Variants in MTCL2 observed in about 807,000 individuals in gnomAD.
The protein encoded by MTCL2 is microtubule cross-linking factor 2.
the MTCL2 span, chr20:36,817,266 CAAAA>C: frequency 5.8e-3 from 2,969 of 511,430 alleles, no homozygotes; most frequent in South Asian, 6.6e-3. Flanking sequence ...GACTCCGTCT[CAAAA>C]AAAAAAAAAA....
chr20:36,793,277 C>T, the MTCL2 span: 10 of 1,551,756 alleles, frequency 6.4e-6, no homozygotes, highest in Non-Finnish European at 8.7e-6. The surrounding 1 kb of genome is among the most constrained non-coding windows in gnomAD (Gnocchi z 6.8). Flanking sequence ...GGCTCCATCT[C>T]CGTCCCGGAG....
chr20:36,816,505 T>C, the MTCL2 span, among the ~76,000 whole-genome samples: 15 of 151,874 alleles, frequency 9.9e-5, 1 homozygote, highest in Admixed American at 6.6e-4. Flanking sequence ...GCGCCACACA[T>C]AGCCTGGGAG....
At chr20:36,815,961 C>T in the MTCL2 span, 14 of 1,613,102 alleles carry the variant, frequency 8.7e-6, no homozygotes, top group African/African-American at 5.3e-5. The surrounding 1 kb of genome is among the most constrained non-coding windows in gnomAD (Gnocchi z 5.3). Context: ...GAAGGCCAGG[C>T]GTGCCTCAGG....
chr20:36,785,029 G>A, the MTCL2 span: 1 of 985,542 alleles, frequency 1.0e-6, no homozygotes, highest in Non-Finnish European at 1.2e-6. Flanking sequence ...GACAGGCAAT[G>A]GAGAACGTCT....
chr20:36,862,969 A>G, the MTCL2 span: 1 of 1,402,792 alleles, frequency 7.1e-7, no homozygotes, highest in Non-Finnish European at 9.3e-7. Context: ...TCCGACGCGC[A>G]GTCCGACACC....
the MTCL2 span, among the ~76,000 whole-genome samples, chr20:36,826,045 C>T: frequency 9.9e-5 from 15 of 151,162 alleles, no homozygotes; most frequent in African/African-American, 3.4e-4. Context: ...CCCGTTCTGT[C>T]GCCCAGGCTG....
chr20:36,822,089 G>A, the MTCL2 span, among the ~76,000 whole-genome samples: 5 of 152,232 alleles, frequency 3.3e-5, no homozygotes, highest in African/African-American at 1.2e-4. Flanking sequence ...AAGCCATGTG[G>A]GCTCCCACAC....
the MTCL2 span, chr20:36,779,145 T>C: frequency 6.6e-6 from 1 of 152,216 alleles, no homozygotes; most frequent in Non-Finnish European, 1.5e-5. Context: ...CCCAGCATCA[T>C]GTCCTCAGTC....
At chr20:36,835,535 T>C in the MTCL2 span, among the ~76,000 whole-genome samples, 2 of 152,112 alleles carry the variant, frequency 1.3e-5, no homozygotes, top group African/African-American at 4.8e-5. Flanking sequence ...GGTACCCTCC[T>C]AGGCAGCGCC....
At chr20:36,815,834 C>G in the MTCL2 span, 8 of 1,598,094 alleles carry the variant, frequency 5.0e-6, no homozygotes, top group Non-Finnish European at 6.8e-6. This position sits in a 1 kb window ranked among gnomAD's most constrained non-coding sequence, Gnocchi z 5.3. Flanking sequence ...GCAGCTTGTT[C>G]TGGTCCTCGA....
the MTCL2 span, chr20:36,817,517 G>A: frequency 1.8e-4 from 263 of 1,496,236 alleles, no homozygotes; most frequent in African/African-American, 3.2e-3. Flanking sequence ...AGGACTGAAA[G>A]CTCACAGAAT....
chr20:36,846,170 C>T, the MTCL2 span, among the ~76,000 whole-genome samples: 1 of 151,680 alleles, frequency 6.6e-6, no homozygotes, highest in South Asian at 2.1e-4. Context: ...CGCACCACTG[C>T]ACTCCGGCCT....
chr20:36,794,128 C>T, the MTCL2 span: 14 of 1,551,324 alleles, frequency 9.0e-6, no homozygotes, highest in East Asian at 4.9e-5. This position sits in a 1 kb window ranked among gnomAD's most constrained non-coding sequence, Gnocchi z 5.4. Flanking sequence ...AGGGGCTGCC[C>T]GCTGAGCCTC....
chr20:36,858,311 A>AACACACACAC, the MTCL2 span, among the ~76,000 whole-genome samples: 10 of 31,834 alleles, frequency 3.1e-4, no homozygotes, highest in Admixed American at 8.6e-4. Flanking sequence ...AAGGAGGGAA[A>AACACACACAC]ACACACACAC....
At chr20:36,797,683 A>G in the MTCL2 span, 1 of 1,008,672 alleles carries the variant, frequency 9.9e-7, no homozygotes, top group Admixed American at 2.3e-5. Flanking sequence ...CAGAACCTAC[A>G]TCATGGACAA....
chr20:36,781,121 G>A, the MTCL2 span: 1 of 152,158 alleles, frequency 6.6e-6, no homozygotes, highest in Non-Finnish European at 1.5e-5. Context: ...GATTAAGATT[G>A]TAAATAGCCT....
the MTCL2 span, among the ~76,000 whole-genome samples, chr20:36,810,717 C>CCTCTCTCTCTCTCTCTCCCT: frequency 1.1e-5 from 1 of 94,194 alleles, no homozygotes; most frequent in Admixed American, 1.3e-4. Context: ...TCTCTCTCTC[C>CCTCTCTCTCTCTCTCTCCCT]CTCTCTCTCT....
the MTCL2 span, among the ~76,000 whole-genome samples, chr20:36,807,865 CTTTTTTTTTTTTTT>C: frequency 7.5e-5 from 4 of 53,510 alleles, no homozygotes; most frequent in Admixed American, 5.0e-4. Flanking sequence ...GAAACCCTGT[CTTTTTTTTTTTTTT>C]TTTTTTTTTT....
At chr20:36,821,452 C>T in the MTCL2 span, among the ~76,000 whole-genome samples, 7 of 151,918 alleles carry the variant, frequency 4.6e-5, no homozygotes, top group Non-Finnish European at 7.4e-5. Flanking sequence ...CACTTGAACC[C>T]AGGAGGCAGA....
Sources: allele counts gnomAD v4.1 joint callset (sites outside exome capture counted in the v4.1 genomes callset), GRCh38; gene constraint gnomAD v4.1.1; non-coding constraint Gnocchi (gnomAD v3.1); transcripts MANE v1.5; gene names NCBI Gene and HGNC (gene_info 2026-07-23, HGNC 2026-07-21).